STAMBPL1: variants seen among roughly 807,000 people sequenced by gnomAD.
STAMBPL1 encodes the protein AMSH-like protease.
A neutral mutation model predicts 52.9 loss-of-function variants in STAMBPL1; 44 were observed. That is an observed-to-expected ratio of 0.83 (90% CI 0.65 to 1.07). STAMBPL1 has a LOEUF of 1.07. Among genes scored for constraint, STAMBPL1 ranks in the 50% least tolerant of loss-of-function variants. The pLI, the probability that STAMBPL1 is intolerant of heterozygous loss-of-function variation, is 0.00. For missense variants in STAMBPL1, 511 were observed against 520.8 expected (o/e 0.98, Z 0.18); for synonymous variants, 164 against 177.3 (o/e 0.92, Z 0.60).
intron 6 of STAMBPL1, among the ~76,000 whole-genome samples, chr10:88,914,011 C>G (rs1845303467): frequency 6.6e-6 from 1 of 152,188 alleles, no homozygotes; most frequent in Non-Finnish European, 1.5e-5. Flanking sequence ...CAGAATTCTT[C>G]TTCGCAGACA....
chr10:88,904,260 A>G (rs921932459), intron 2 of STAMBPL1, among the ~76,000 whole-genome samples: 11 of 152,222 alleles, frequency 7.2e-5, no homozygotes, highest in Admixed American at 3.9e-4. Flanking sequence ...CTCAAACTGT[A>G]CAGGCATAAG....
At chr10:88,889,286 C>T (rs546370637) in intron 1 of STAMBPL1, among the ~76,000 whole-genome samples, 95 of 152,250 alleles carry the variant, frequency 6.2e-4, no homozygotes, top group Admixed American at 2.6e-3. Flanking sequence ...AACAGGAATG[C>T]ATATTATTTT....
At chr10:88,911,521 T>A (rs1482551936) in intron 5 of STAMBPL1, among the ~76,000 whole-genome samples, 1 of 152,200 alleles carries the variant, frequency 6.6e-6, no homozygotes, top group African/African-American at 2.4e-5. Flanking sequence ...TTGTTATTAA[T>A]AAAGAGTGAA....
intron 3 of STAMBPL1, among the ~76,000 whole-genome samples, chr10:88,908,305 GT>G (rs1445865072): frequency 2.6e-5 from 4 of 152,164 alleles, no homozygotes; most frequent in African/African-American, 9.7e-5. Flanking sequence ...GGTCGTTTGA[GT>G]TTTTTTCAAG....
chr10:88,880,866 G>A (rs1158018266), intron 1 of STAMBPL1, among the ~76,000 whole-genome samples: 1 of 152,176 alleles, frequency 6.6e-6, no homozygotes, highest in Non-Finnish European at 1.5e-5. Flanking sequence ...GCGCCCCTCC[G>A]CTGGGCCCTC....
At chr10:88,897,837 A>G (rs2133153307) in intron 1 of STAMBPL1, among the ~76,000 whole-genome samples, 1 of 152,286 alleles carries the variant, frequency 6.6e-6, no homozygotes, top group South Asian at 2.1e-4. Flanking sequence ...GGGGGAATTT[A>G]TTTTATTCTT....
intron 3 of STAMBPL1, 32 bp from the exon 4 acceptor site, chr10:88,908,670 A>T: frequency 6.3e-7 from 1 of 1,576,412 alleles, no homozygotes; most frequent in Non-Finnish European, 8.6e-7. Context: ...TTGCTGTCAC[A>T]TAATGCTAAG....
At chr10:88,885,447 A>T (rs1020827632) in intron 1 of STAMBPL1, among the ~76,000 whole-genome samples, 5 of 152,190 alleles carry the variant, frequency 3.3e-5, no homozygotes, top group African/African-American at 4.8e-5. Context: ...TTGAAAATGG[A>T]TTATTTTCTG....
At chr10:88,881,194 C>T (rs1256970301) in intron 1 of STAMBPL1, among the ~76,000 whole-genome samples, 1 of 152,096 alleles carries the variant, frequency 6.6e-6, no homozygotes, top group Non-Finnish European at 1.5e-5. Flanking sequence ...TTAAAGCTTT[C>T]GCTGAAAGCC....
chr10:88,895,818 G>A (rs1168281485), intron 1 of STAMBPL1, among the ~76,000 whole-genome samples: 1 of 152,152 alleles, frequency 6.6e-6, no homozygotes. Context: ...TTGGTGGCTG[G>A]ATAAAAAGTT....
In STAMBPL1 at chr10:88,914,590, T is replaced by C; in HGVS notation, c.835T>C (p.Phe279Leu). The change falls in exon 7 of 11, where the codon TTT becomes CTT. Residue 279 changes from phenylalanine (F) to leucine (L), a missense_variant. By Grantham distance (22) the Phe-to-Leu change is conservative. Coordinates refer to ENST00000371926, the MANE Select transcript of STAMBPL1 (RefSeq NM_020799.4). ...TTTGCCAGAAGATCTTTGCCACAAA[T>C]TTCTGCAACTGGCAGAATCTAATAC... is the stretch of plus-strand genomic sequence containing the variant. ...VVLPEDLCHK[F>L]LQLAESNTVR... 1 of 1,539,842 alleles carries C rather than the reference T, an allele frequency of 6.5e-7. No individual in the cohort carries two copies.
intron 1 of STAMBPL1, among the ~76,000 whole-genome samples, chr10:88,895,213 GGC>G (rs1242944350): frequency 2.0e-5 from 3 of 152,134 alleles, no homozygotes; most frequent in Non-Finnish European, 4.4e-5. Context: ...CTGATGAAAA[GGC>G]ATATATTCCC....
At chr10:88,905,408 AAC>A (rs1845046249) in intron 2 of STAMBPL1, 33 bp from the exon 3 acceptor site, 14 of 1,524,286 alleles carry the variant, frequency 9.2e-6, no homozygotes, top group Non-Finnish European at 1.0e-5. Flanking sequence ...TACTATAATC[AAC>A]AGTTAATCAG....
chr10:88,885,156 A>G (rs1844500419), intron 1 of STAMBPL1, among the ~76,000 whole-genome samples: 1 of 152,216 alleles, frequency 6.6e-6, no homozygotes, highest in Non-Finnish European at 1.5e-5. Context: ...CGTCAAACCC[A>G]GGCAATATGA....
At chr10:88,892,692 G>A (rs1162771317) in intron 1 of STAMBPL1, among the ~76,000 whole-genome samples, 1 of 152,216 alleles carries the variant, frequency 6.6e-6, no homozygotes, top group South Asian at 2.1e-4. Context: ...TACAGCCTCT[G>A]CTGTGACATG....
chr10:88,900,695 A>G (rs541277879), intron 1 of STAMBPL1, among the ~76,000 whole-genome samples: 2 of 152,280 alleles, frequency 1.3e-5, no homozygotes, highest in South Asian at 2.1e-4. Flanking sequence ...AGCTAAACAT[A>G]TTTGTTTTCT....
In STAMBPL1 at chr10:88,905,453, C is replaced by T. The variant is rs776330931; in HGVS notation, c.41C>T (p.Ala14Val). Residue 14 changes from alanine to valine, a missense_variant, in exon 3 of 11, where the codon GCT (alanine) becomes GTT (valine). Ala to Val is a moderately conservative substitution (Grantham distance 64, BLOSUM62 0). Transcript: ENST00000371926. Reference sequence around the variant, plus strand: ...AATTTTGCTTTGCAGAAAAAGTTAGCTGCTATGCCTGACCATACAGATGTT... The same window carrying T: ...AATTTTGCTTTGCAGAAAAAGTTAGTTGCTATGCCTGACCATACAGATGTT... ...PFTVNSLKKLAAMPDHTDVSL... is the reference protein window; with the variant it reads ...PFTVNSLKKLVAMPDHTDVSL... The T allele has an allele frequency of 1.9e-6, 3 of 1,613,858 alleles. No individual in the cohort carries two copies. Among genetic ancestry groups the T allele is most frequent in the Admixed American group, 1.7e-5 (1 of 59,966 alleles).
In STAMBPL1 at chr10:88,913,398, A is replaced by G; in HGVS notation, c.718A>G (p.Ser240Gly). ...PNKSDATNYA[S>G]HSPPVNRALT... ...TAAAAGTGATGCAACCAATTATGCT[A>G]GCCACTCTCCTCCTGTAAACAGGGC... is the stretch of plus-strand genomic sequence containing the variant. Residue 240 changes from serine to glycine, a missense_variant, in exon 6 of 11, where the codon AGC becomes GGC. Physicochemically the swap from Ser to Gly is moderately conservative, Grantham distance 56 (BLOSUM62 0). Coordinates refer to ENST00000371926, the MANE Select transcript of STAMBPL1 (RefSeq NM_020799.4). 1.2e-6 allele frequency: 2 copies of G among 1,613,776 alleles called. No individual in the cohort carries two copies. The highest frequency in any genetic ancestry group is 2.2e-5 in the South Asian group (2 of 91,064).
At chr10:88,915,922 A>C (rs886619390) in intron 7 of STAMBPL1, among the ~76,000 whole-genome samples, 1 of 152,152 alleles carries the variant, frequency 6.6e-6, no homozygotes, top group Non-Finnish European at 1.5e-5. Context: ...TGTGCAGGAA[A>C]GCCCTAAGGC....
Sources: allele counts gnomAD v4.1 joint callset (sites outside exome capture counted in the v4.1 genomes callset), GRCh38; gene constraint gnomAD v4.1.1; transcripts MANE v1.5; gene names NCBI Gene and HGNC (gene_info 2026-07-23, HGNC 2026-07-21).